The following KIAA1217 variants were observed in gnomAD, a reference collection of about 807,000 sequenced individuals.
The protein encoded by KIAA1217 is KIAA1217, also known as sickle tail protein homolog.
Under a neutral mutation model 163.9 loss-of-function variants are expected in KIAA1217, and 88 were observed. The observed-to-expected ratio is 0.54, with a 90% confidence interval of 0.45 to 0.64. The LOEUF (loss-of-function observed/expected upper bound fraction) is 0.64, where lower values mean the gene tolerates loss of function less well. Ranked by LOEUF, KIAA1217 falls within the 30% of genes least tolerant of loss-of-function variation. KIAA1217 has a pLI of 0.00. For synonymous variants in KIAA1217, 903 were observed against 923.1 expected (o/e 0.98, Z 0.39); for missense variants, 2,372 against 2,475.0 (o/e 0.96, Z 0.88).
chr10:24,231,274 C>T (rs1318634071), intron 2 of KIAA1217, among the ~76,000 whole-genome samples: 2 of 152,094 alleles, frequency 1.3e-5, no homozygotes, highest in African/African-American at 4.8e-5. Context: ...AGTGATCGTA[C>T]CACTGCACTC....
chr10:24,142,072 G>GTT (rs150863121), intron 2 of KIAA1217, among the ~76,000 whole-genome samples: 46 of 148,396 alleles, frequency 3.1e-4, no homozygotes, highest in East Asian at 1.2e-3. Flanking sequence ...AGATTTTTTT[G>GTT]TTTTTTTTTT....
At chr10:23,760,013 A>C (rs1278358910) in intron 1 of KIAA1217, among the ~76,000 whole-genome samples, 1 of 152,222 alleles carries the variant, frequency 6.6e-6, no homozygotes, top group Non-Finnish European at 1.5e-5. Flanking sequence ...TGTCGTATAT[A>C]TACCATAGGT....
intron 1 of KIAA1217, among the ~76,000 whole-genome samples, chr10:23,846,278 G>A (rs1839024686): frequency 6.6e-6 from 1 of 152,108 alleles, no homozygotes; most frequent in African/African-American, 2.4e-5. Flanking sequence ...GGAAGTCAGT[G>A]GTAGCTTGAT....
intron 2 of KIAA1217, among the ~76,000 whole-genome samples, chr10:24,197,953 A>G (rs2067068807): frequency 6.6e-6 from 1 of 152,234 alleles, no homozygotes; most frequent in Admixed American, 6.5e-5. Flanking sequence ...CACATCCACC[A>G]TCATTCCATC....
At chr10:24,434,196 C>A (rs569025988) in intron 4 of KIAA1217, among the ~76,000 whole-genome samples, 1 of 151,876 alleles carries the variant, frequency 6.6e-6, no homozygotes, top group Admixed American at 6.6e-5. Flanking sequence ...ACCACCAGGC[C>A]CAGCTAATTT....
At chr10:23,951,813 T>G (rs1844349376) in intron 1 of KIAA1217, among the ~76,000 whole-genome samples, 1 of 152,212 alleles carries the variant, frequency 6.6e-6, no homozygotes, top group African/African-American at 2.4e-5. Context: ...GGTGACTGTT[T>G]AATTCCTGCC....
chr10:23,935,550 A>AC (rs1843491738), intron 1 of KIAA1217, among the ~76,000 whole-genome samples: 1 of 152,238 alleles, frequency 6.6e-6, no homozygotes. Context: ...ATTAGCAACA[A>AC]ACTGGGAGTC....
intron 2 of KIAA1217, among the ~76,000 whole-genome samples, chr10:24,298,141 G>A (rs1027397638): frequency 6.6e-6 from 1 of 152,106 alleles, no homozygotes; most frequent in Non-Finnish European, 1.5e-5. Flanking sequence ...CCTTTGTTTT[G>A]TTTAGAACTT....
chr10:23,765,966 G>A (rs1269367704), intron 1 of KIAA1217, among the ~76,000 whole-genome samples: 3 of 152,164 alleles, frequency 2.0e-5, no homozygotes, highest in African/African-American at 4.8e-5. Context: ...TCTTACCAGC[G>A]TTACTCAGTA....
intron 3 of KIAA1217, among the ~76,000 whole-genome samples, chr10:24,405,020 G>A (rs992326814): frequency 6.6e-6 from 1 of 152,170 alleles, no homozygotes; most frequent in African/African-American, 2.4e-5. Context: ...GTAGCACTTG[G>A]GGGCCTAGTT....
At chr10:23,774,236 A>T (rs1447943446) in intron 1 of KIAA1217, among the ~76,000 whole-genome samples, 1 of 152,254 alleles carries the variant, frequency 6.6e-6, no homozygotes, top group African/African-American at 2.4e-5. Context: ...TTTCCCTGTG[A>T]AAACACTTCA....
chr10:23,817,879 C>T (rs572864986), intron 1 of KIAA1217, among the ~76,000 whole-genome samples: 49 of 147,036 alleles, frequency 3.3e-4, no homozygotes, highest in African/African-American at 1.2e-3. Flanking sequence ...TGCTTGAGGC[C>T]AGGGGTTCAA....
At chr10:23,805,547 G>A (rs12778136) in intron 1 of KIAA1217, among the ~76,000 whole-genome samples, 2 of 152,096 alleles carry the variant, frequency 1.3e-5, no homozygotes, top group Non-Finnish European at 2.9e-5. Context: ...GGAGGAGGGA[G>A]AGGATCAGGA....
At chr10:24,037,041 T>C (rs1295249612) in intron 2 of KIAA1217, among the ~76,000 whole-genome samples, 1 of 152,174 alleles carries the variant, frequency 6.6e-6, no homozygotes, top group Non-Finnish European at 1.5e-5. Context: ...GAGCAGAGGC[T>C]GTCACCAGCA....
intron 2 of KIAA1217, among the ~76,000 whole-genome samples, chr10:24,193,857 G>A (rs753627264): frequency 2.7e-5 from 4 of 149,084 alleles, no homozygotes; most frequent in South Asian, 2.1e-4. Context: ...AAGCAGTCAC[G>A]TGCATGTTCA....
At chr10:23,987,319 G>A (rs1398262346) in intron 1 of KIAA1217, among the ~76,000 whole-genome samples, 2 of 146,414 alleles carry the variant, frequency 1.4e-5, no homozygotes, top group African/African-American at 5.1e-5. Context: ...GGAGCTTGCA[G>A]TGAGCTGAGA....
At chr10:23,703,098 GC>G (rs1836592222) in intron 1 of KIAA1217, among the ~76,000 whole-genome samples, 1 of 152,084 alleles carries the variant, frequency 6.6e-6, no homozygotes, top group South Asian at 2.1e-4. Flanking sequence ...TTCCCTCCAT[GC>G]CCTGGTTAAT....
At chr10:24,158,407 G>A (rs2064974635) in intron 2 of KIAA1217, 2 of 596,936 alleles carry the variant, frequency 3.4e-6, no homozygotes, top group Admixed American at 1.9e-5. Flanking sequence ...ATTACAATTT[G>A]CACAGTATGG....
intron 3 of KIAA1217, among the ~76,000 whole-genome samples, chr10:24,394,333 G>A (rs1475251866): frequency 6.6e-6 from 1 of 152,110 alleles, no homozygotes; most frequent in African/African-American, 2.4e-5. Context: ...GTGTTAATTG[G>A]CTTTCAGACA....
Sources: gnomAD v4.1 joint callset for allele counts (sites outside exome capture counted in the v4.1 genomes callset) on GRCh38, gnomAD v4.1.1 for gene constraint, MANE v1.5 for transcripts, NCBI Gene and HGNC (gene_info 2026-07-23, HGNC 2026-07-21) for gene names.